SRPK2: variants seen among roughly 807,000 people sequenced by gnomAD.
The protein encoded by SRPK2 is SFRS protein kinase 2.
In SRPK2, 21 loss-of-function variants were observed where a neutral mutation model predicts 90.8. The ratio of observed to expected loss-of-function variants is 0.23; its 90% CI spans 0.16 to 0.33. The LOEUF is 0.33. SRPK2 is among the 10% of genes least tolerant of loss of function. The pLI is 1.00. For synonymous variants in SRPK2, 288 were observed against 311.1 expected, an observed-to-expected ratio of 0.93 and a Z score of 0.78; for missense variants, 620 against 869.0, an observed-to-expected ratio of 0.71 and a Z score of 3.60.
chr7:105,155,686 C>G (rs1806393472), intron 7 of SRPK2, among the ~76,000 whole-genome samples: 1 of 152,158 alleles, frequency 6.6e-6, no homozygotes, highest in Non-Finnish European at 1.5e-5. Flanking sequence ...GAAGGGAAGG[C>G]ATCCTCTTAA....
intron 2 of SRPK2, chr7:105,304,151 G>C (rs1810894034): frequency 6.6e-6 from 1 of 152,174 alleles, no homozygotes; most frequent in Admixed American, 6.5e-5. Flanking sequence ...GAGTCAATTG[G>C]ACCCATTGTT....
chr7:105,194,042 T>A (rs1451659779), intron 3 of SRPK2, among the ~76,000 whole-genome samples: 3 of 152,254 alleles, frequency 2.0e-5, no homozygotes, highest in East Asian at 1.9e-4. Flanking sequence ...AGTCTGAAGC[T>A]GGTCTTTTCA....
intron 2 of SRPK2, among the ~76,000 whole-genome samples, chr7:105,218,030 A>G (rs1446724897): frequency 6.6e-6 from 1 of 152,182 alleles, no homozygotes; most frequent in Non-Finnish European, 1.5e-5. Context: ...GACGAAGAAA[A>G]AGGTGTCAAT....
chr7:105,389,770 T>C (rs949406513), upstream of SRPK2, among the ~76,000 whole-genome samples: 2 of 152,180 alleles, frequency 1.3e-5, no homozygotes, highest in Non-Finnish European at 2.9e-5. Flanking sequence ...ATCAAGTTGA[T>C]AGTGACACAA....
intron 2 of SRPK2, among the ~76,000 whole-genome samples, chr7:105,376,849 T>A (rs866842193): frequency 2.4e-4 from 1 of 4,186 alleles, no homozygotes; most frequent in East Asian, 0.01. Context: ...CCCACCCCCC[T>A]TTTTTTTTTA....
chr7:105,359,296 T>C (rs1046199372), intron 2 of SRPK2, among the ~76,000 whole-genome samples: 2 of 151,854 alleles, frequency 1.3e-5, no homozygotes, highest in African/African-American at 4.8e-5. Flanking sequence ...GTAGCTGGGA[T>C]TGCAAGCGCA....
intron 2 of SRPK2, among the ~76,000 whole-genome samples, chr7:105,278,420 T>C (rs1290204668): frequency 6.7e-6 from 1 of 149,112 alleles, no homozygotes; most frequent in African/African-American, 2.5e-5. Flanking sequence ...ACAACTGTAA[T>C]CCCAGCACTT....
At chr7:105,388,516 G>A (rs993954855) in intron 2 of SRPK2, 132 bp downstream of exon 2, 3 of 580,726 alleles carry the variant, frequency 5.2e-6, no homozygotes, top group Non-Finnish European at 7.3e-6. Flanking sequence ...GGGGGCAGGA[G>A]CCGAGCGCCA....
intron 2 of SRPK2, among the ~76,000 whole-genome samples, chr7:105,260,857 G>C (rs1448994638): frequency 6.6e-6 from 1 of 150,738 alleles, no homozygotes; most frequent in Non-Finnish European, 1.5e-5. Flanking sequence ...CACAGGGCGG[G>C]GAACATCACA....
intron 3 of SRPK2, among the ~76,000 whole-genome samples, chr7:105,202,825 C>T (rs564827499): frequency 1.3e-5 from 2 of 152,276 alleles, no homozygotes; most frequent in East Asian, 1.9e-4. Context: ...AGACAATAAA[C>T]GCTATGTAAT....
At chr7:105,364,405 G>GAGTTTTTTTTTTTTTTT (rs572930883) in intron 2 of SRPK2, among the ~76,000 whole-genome samples, 4 of 133,920 alleles carry the variant, frequency 3.0e-5, no homozygotes, top group East Asian at 5.6e-4. Context: ...CGTGTGTAAC[G>GAGTTTTTTTTTTTTTTT]TTTTTTTTTT....
At chr7:105,125,959 C>G (rs1801139127) in intron 15 of SRPK2, 1 of 715,074 alleles carries the variant, frequency 1.4e-6, no homozygotes, top group South Asian at 1.8e-5. Flanking sequence ...ACCGCCCGCG[C>G]AGACAGAAAC....
At chr7:105,399,247 G>C (rs938313439) in exon 1 of SRPK2, 1 of 152,224 alleles carries the variant, frequency 6.6e-6, no homozygotes, top group African/African-American at 2.4e-5. Context: ...GACGGAGGCT[G>C]AAAGACCTGT....
chr7:105,366,003 C>T (rs1427160392), intron 2 of SRPK2, among the ~76,000 whole-genome samples: 11 of 152,006 alleles, frequency 7.2e-5, no homozygotes, highest in Non-Finnish European at 1.0e-4. Context: ...TACAGGCGCA[C>T]GCTACCACGC....
intron 15 of SRPK2, among the ~76,000 whole-genome samples, chr7:105,119,256 C>T (rs1271387695): frequency 6.6e-6 from 1 of 152,110 alleles, no homozygotes; most frequent in Non-Finnish European, 1.5e-5. Context: ...CAGTGCTCTG[C>T]TCACAAAGGT....
chr7:105,133,203 A>G (rs1802280251), intron 11 of SRPK2, 99 bp from the exon 12 acceptor site: 1 of 1,080,074 alleles, frequency 9.3e-7, no homozygotes, highest in Non-Finnish European at 1.4e-6. Context: ...CCTCAAGAGT[A>G]GTGGAATGAT....
chr7:105,275,073 A>G (rs1439902380), intron 2 of SRPK2, among the ~76,000 whole-genome samples: 1 of 151,986 alleles, frequency 6.6e-6, no homozygotes, highest in African/African-American at 2.4e-5. Context: ...TTTTTAGTAG[A>G]GACGGGGGTT....
At chr7:105,211,309 C>T (rs1383525844) in intron 2 of SRPK2, among the ~76,000 whole-genome samples, 1 of 151,426 alleles carries the variant, frequency 6.6e-6, no homozygotes, top group African/African-American at 2.4e-5. Flanking sequence ...GAATGGGAAA[C>T]AGTTCTCTTT....
At chr7:105,273,985 G>A (rs1806166034) in intron 2 of SRPK2, among the ~76,000 whole-genome samples, 1 of 152,120 alleles carries the variant, frequency 6.6e-6, no homozygotes, top group Non-Finnish European at 1.5e-5. Flanking sequence ...TTTATAAAGG[G>A]GAAATCTAAG....
Sources: gnomAD v4.1 joint callset for allele counts (sites outside exome capture counted in the v4.1 genomes callset) on GRCh38, gnomAD v4.1.1 for gene constraint, MANE v1.5 for transcripts, NCBI Gene and HGNC (gene_info 2026-07-23, HGNC 2026-07-21) for gene names.